SYT1: variants seen among roughly 807,000 people sequenced by gnomAD.
SYT1 encodes the protein synaptotagmin 1, also known as synaptotagmin-1.
In SYT1, 8 loss-of-function variants were observed where a neutral mutation model predicts 44.8. The ratio of observed to expected loss-of-function variants is 0.18; its 90% CI spans 0.10 to 0.32. SYT1 has a LOEUF of 0.32. Ranked by LOEUF, SYT1 falls within the 10% of genes least tolerant of loss-of-function variation. The pLI is 1.00. For missense variants in SYT1, 286 were observed against 509.3 expected, an observed-to-expected ratio of 0.56 and a Z score of 4.22; for synonymous variants, 154 against 188.8, an observed-to-expected ratio of 0.82 and a Z score of 1.51.
At chr12:78,883,886 T>G (rs1409093488) in intron 1 of SYT1, among the ~76,000 whole-genome samples, 4 of 151,696 alleles carry the variant, frequency 2.6e-5, no homozygotes, top group African/African-American at 9.7e-5. Context: ...CTTAATACTA[T>G]ACACATGAAA....
intron 3 of SYT1, among the ~76,000 whole-genome samples, chr12:79,204,005 A>G (rs1270437755): frequency 6.6e-6 from 1 of 152,240 alleles, no homozygotes; most frequent in African/African-American, 2.4e-5. Context: ...CTATTCATTT[A>G]TTAGTAAGGC....
chr12:79,033,559 C>T (rs560748189), intron 2 of SYT1, among the ~76,000 whole-genome samples: 4 of 151,440 alleles, frequency 2.6e-5, no homozygotes, highest in African/African-American at 9.7e-5. Context: ...TTCTTTCTTG[C>T]ATCGTCTCCT....
intron 9 of SYT1, among the ~76,000 whole-genome samples, chr12:79,420,451 C>T (rs147974406): frequency 2.0e-3 from 306 of 152,232 alleles, no homozygotes; most frequent in African/African-American, 6.1e-3. Context: ...ACCTCAGTTA[C>T]TCTTCAACCC....
In SYT1 at chr12:79,019,532, G is replaced by C. The variant is rs74110117; in HGVS notation, c.-83-27765G>C. ...TTCAGAGTGCCTACCTACCACAGTTGCTATCTGTATAGATGTAATTATCAA... is the reference window on the plus strand; with the variant it reads ...TTCAGAGTGCCTACCTACCACAGTTCCTATCTGTATAGATGTAATTATCAA... On this transcript the variant is annotated intron_variant, in intron 2 of 10. Transcript: ENST00000261205. Among the ~76,000 whole-genome samples the C allele has an allele frequency of 5.1e-3, 782 of 151,992 alleles. 10 individuals are homozygous for C. Among genetic ancestry groups the C allele is most frequent in the African/African-American group, 0.018 (740 of 41,486 alleles).
intron 9 of SYT1, chr12:79,419,465 T>C (rs1868967583): frequency 3.1e-6 from 1 of 320,780 alleles, no homozygotes; most frequent in Non-Finnish European, 6.2e-6. Flanking sequence ...GAGGGTACAA[T>C]GCAGAAGTTG....
chr12:78,939,015 T>G (rs2137241840), intron 1 of SYT1, among the ~76,000 whole-genome samples: 1 of 152,326 alleles, frequency 6.6e-6, no homozygotes, highest in East Asian at 1.9e-4. Flanking sequence ...GGGAAGCATC[T>G]GTCATGCAGC....
intron 4 of SYT1, among the ~76,000 whole-genome samples, chr12:79,256,980 T>C (rs1261348302): frequency 1.2e-4 from 18 of 152,222 alleles, no homozygotes; most frequent in Admixed American, 1.2e-3. Flanking sequence ...ACCATGTTAC[T>C]AATAAAAATA....
chr12:79,158,609 G>T lies in SYT1; in HGVS notation c.-17-58894G>T, dbSNP rs550802345. Among the ~76,000 whole-genome samples the T allele has an allele frequency of 7.9e-5, 12 of 151,926 alleles. No homozygotes were observed. The South Asian group carries it at 2.3e-3, about 29-fold the overall frequency. On this transcript the variant is annotated intron_variant, in intron 3 of 10. Transcript: ENST00000261205. Reference sequence around the variant, plus strand: ...ATATTTCTGAGTAATAATAATAGATGATAAAAGGCCAGGCATGGTGGCTCA... The same window carrying T: ...ATATTTCTGAGTAATAATAATAGATTATAAAAGGCCAGGCATGGTGGCTCA...
intron 8 of SYT1, among the ~76,000 whole-genome samples, chr12:79,306,389 T>C (rs73351058): frequency 0.011 from 1,675 of 152,330 alleles, 32 homozygotes; most frequent in African/African-American, 0.038. Context: ...TTGTCTTTGC[T>C]TTGAAAAGGT....
chr12:79,334,960 G>C (rs116118558), intron 8 of SYT1, among the ~76,000 whole-genome samples: 1 of 151,940 alleles, frequency 6.6e-6, no homozygotes, highest in Non-Finnish European at 1.5e-5. Context: ...TATTTCTCAC[G>C]ACACATTGAC....
intron 1 of SYT1, among the ~76,000 whole-genome samples, chr12:78,931,215 GAAAGAAAGAAAGAAA>G (rs1402962306): frequency 2.3e-4 from 12 of 52,124 alleles, no homozygotes; most frequent in African/African-American, 1.3e-3. Context: ...AAGAAAGAAA[GAAAGAAAGAAAGAAA>G]GAAAGAAAGA....
chr12:78,926,633 A>G (rs1877318175), intron 1 of SYT1: 1 of 152,038 alleles, frequency 6.6e-6, no homozygotes, highest in African/African-American at 2.4e-5. Flanking sequence ...TACTTAGAAA[A>G]CTCTTAAATG....
At chr12:79,378,173 A>G (rs529433527) in intron 9 of SYT1, among the ~76,000 whole-genome samples, 1 of 152,206 alleles carries the variant, frequency 6.6e-6, no homozygotes, top group Non-Finnish European at 1.5e-5. Flanking sequence ...ATTCTCTTCT[A>G]TTAGAAATCT....
At position 79,068,159 on chromosome 12, in the gene SYT1, A is replaced by G. The variant is rs146965067; in HGVS notation, c.-18+20797A>G. On this transcript the variant is annotated intron_variant, in intron 3 of 10. Coordinates refer to ENST00000261205, the MANE Select transcript of SYT1 (RefSeq NM_005639.3). ...ACACACTTGTCAAACCTAACCATGC[A>G]AAACAGCACAAATTAAGTCAACTTT... 3.0e-3 allele frequency among the ~76,000 whole-genome samples: 457 copies of G among 152,292 alleles called. 2 individuals are homozygous for G. The highest frequency in any genetic ancestry group is 6.8e-3 in the Middle Eastern group (2 of 294).
intron 2 of SYT1, among the ~76,000 whole-genome samples, chr12:79,002,745 T>A (rs1268166148): frequency 6.6e-6 from 1 of 152,042 alleles, no homozygotes; most frequent in South Asian, 2.1e-4. Context: ...TCCATTGGGA[T>A]CCTTCTATTG....
chr12:79,397,519 T>G (rs1041375487), intron 9 of SYT1, among the ~76,000 whole-genome samples: 1 of 152,156 alleles, frequency 6.6e-6, no homozygotes, highest in Admixed American at 6.5e-5. Flanking sequence ...TGAGCTACCA[T>G]GCGTGGCCCA....
chr12:79,071,117 C>CT (rs1272600311), intron 3 of SYT1, among the ~76,000 whole-genome samples: 1 of 151,948 alleles, frequency 6.6e-6, no homozygotes, highest in Admixed American at 6.6e-5. Flanking sequence ...GAGCCTCATC[C>CT]TTTTCAAAAA....
intron 4 of SYT1, among the ~76,000 whole-genome samples, chr12:79,238,659 G>A (rs1876329454): frequency 1.3e-5 from 2 of 152,092 alleles, no homozygotes; most frequent in Non-Finnish European, 1.5e-5. Flanking sequence ...AAATAAATAG[G>A]TTTTCATTAC....
At chr12:78,896,848 T>A (rs1875388337) in intron 1 of SYT1, among the ~76,000 whole-genome samples, 1 of 151,822 alleles carries the variant, frequency 6.6e-6, no homozygotes, top group South Asian at 2.1e-4. Context: ...ACTTTACGAT[T>A]TCTATATCTT....
Sources: gnomAD v4.1 joint callset for allele counts (sites outside exome capture counted in the v4.1 genomes callset) on GRCh38, gnomAD v4.1.1 for gene constraint, MANE v1.5 for transcripts, NCBI Gene and HGNC (gene_info 2026-07-23, HGNC 2026-07-21) for gene names.